Variants in ZBTB44 observed in about 807,000 individuals in gnomAD.
ZBTB44 encodes zinc finger and BTB domain containing 44.
Under a neutral mutation model 54.0 loss-of-function variants are expected in ZBTB44, and 15 were observed. The ratio of observed to expected loss-of-function variants is 0.28; its 90% CI spans 0.19 to 0.43. The LOEUF (loss-of-function observed/expected upper bound fraction) is 0.43. Among genes scored for constraint, ZBTB44 ranks in the 20% least tolerant of loss-of-function variants. ZBTB44 has a pLI of 1.00. For synonymous variants in ZBTB44, 230 were observed against 250.1 expected, an observed-to-expected ratio of 0.92 and a Z score of 0.76; for missense variants, 487 against 707.1, an observed-to-expected ratio of 0.69 and a Z score of 3.53.
chr11:130,268,613 C>G (rs573487103), intron 1 of ZBTB44, among the ~76,000 whole-genome samples: 4 of 152,182 alleles, frequency 2.6e-5, no homozygotes, highest in African/African-American at 9.6e-5. Context: ...GAGTCTCACT[C>G]TGTCACCCAG....
chr11:130,275,511 TTC>T (rs1170904430), intron 1 of ZBTB44, among the ~76,000 whole-genome samples: 1 of 152,098 alleles, frequency 6.6e-6, no homozygotes, highest in Non-Finnish European at 1.5e-5. Flanking sequence ...TCATTTGGAT[TTC>T]TTTTTTGATC....
intron 5 of ZBTB44, chr11:130,236,036 CAA>C: frequency 9.6e-7 from 1 of 1,039,010 alleles, no homozygotes; most frequent in Non-Finnish European, 1.2e-6. Context: ...TACAGAAGTA[CAA>C]TTCTTATAAA....
At chr11:130,280,074 C>A (rs950690585) in intron 1 of ZBTB44, among the ~76,000 whole-genome samples, 2 of 152,122 alleles carry the variant, frequency 1.3e-5, no homozygotes, top group East Asian at 1.9e-4. Context: ...CACAAGCCAG[C>A]GCAACGGCAA....
chr11:130,264,568 C>T (rs898195244), intron 1 of ZBTB44, among the ~76,000 whole-genome samples: 1 of 152,146 alleles, frequency 6.6e-6, no homozygotes, highest in Non-Finnish European at 1.5e-5. Flanking sequence ...CTCATGAGTA[C>T]CTCCCGTAAG....
intron 1 of ZBTB44, among the ~76,000 whole-genome samples, chr11:130,292,862 TA>T (rs1166151335): frequency 6.6e-6 from 1 of 152,178 alleles, no homozygotes; most frequent in Non-Finnish European, 1.5e-5. Flanking sequence ...CAAAAGTTAT[TA>T]AAATAAGACG....
At chr11:130,306,940 C>T (rs1257092331) in intron 1 of ZBTB44, among the ~76,000 whole-genome samples, 1 of 151,404 alleles carries the variant, frequency 6.6e-6, no homozygotes, top group Admixed American at 6.6e-5. Context: ...TTGGGTACAG[C>T]GTACACTGCT....
At chr11:130,245,793 A>C (rs1331125946) in intron 2 of ZBTB44, among the ~76,000 whole-genome samples, 2 of 152,120 alleles carry the variant, frequency 1.3e-5, no homozygotes, top group East Asian at 3.9e-4. Flanking sequence ...CGAGGAGGGA[A>C]TGGACTCTTG....
At chr11:130,289,408 G>A (rs942375543) in intron 1 of ZBTB44, among the ~76,000 whole-genome samples, 9 of 151,332 alleles carry the variant, frequency 5.9e-5, no homozygotes, top group Middle Eastern at 3.5e-3. Flanking sequence ...GCTTGAACTC[G>A]GAGGTGGAGG....
chr11:130,235,774 G>A (rs1954081389), intron 5 of ZBTB44, among the ~76,000 whole-genome samples: 2 of 152,150 alleles, frequency 1.3e-5, no homozygotes, highest in East Asian at 3.8e-4. Context: ...GGCTGAAGCA[G>A]GCGGATCACT....
intron 2 of ZBTB44, among the ~76,000 whole-genome samples, chr11:130,240,116 A>C (rs1431320600): frequency 1.4e-5 from 2 of 144,536 alleles, no homozygotes; most frequent in East Asian, 4.0e-4. Context: ...ATCTCGGCTC[A>C]CTGCAAGCTC....
intron 1 of ZBTB44, among the ~76,000 whole-genome samples, chr11:130,297,299 T>A (rs1941709099): frequency 6.6e-6 from 1 of 152,224 alleles, no homozygotes; most frequent in South Asian, 2.1e-4. Flanking sequence ...TTCTTGTGAT[T>A]ATATAATATT....
intron 1 of ZBTB44, among the ~76,000 whole-genome samples, chr11:130,282,881 C>T (rs1450404451): frequency 6.6e-6 from 1 of 152,090 alleles, no homozygotes; most frequent in East Asian, 1.9e-4. Context: ...TCTCGCTATG[C>T]TACCCACATT....
At chr11:130,263,010 G>A (rs1366985757) in intron 1 of ZBTB44, among the ~76,000 whole-genome samples, 2 of 152,174 alleles carry the variant, frequency 1.3e-5, no homozygotes, top group Non-Finnish European at 2.9e-5. Flanking sequence ...GCAGTGAGCC[G>A]AGACTGCACC....
chr11:130,257,909 A>C (rs1005313522), intron 2 of ZBTB44, among the ~76,000 whole-genome samples: 7 of 152,160 alleles, frequency 4.6e-5, no homozygotes, highest in African/African-American at 1.7e-4. Flanking sequence ...TACTAGTAGA[A>C]AAGTCCCAAG....
chr11:130,292,275 T>C (rs1191016355), intron 1 of ZBTB44, among the ~76,000 whole-genome samples: 1 of 152,260 alleles, frequency 6.6e-6, no homozygotes, highest in Non-Finnish European at 1.5e-5. Flanking sequence ...TAATTATTTC[T>C]GTTTCTATAC....
At chr11:130,307,927 T>C (rs144421986) in intron 1 of ZBTB44, among the ~76,000 whole-genome samples, 5,428 of 152,264 alleles carry the variant, frequency 0.036, 222 homozygotes, top group African/African-American at 0.097. Flanking sequence ...GGTTTCACTA[T>C]ATTGGTCAGG....
At chr11:130,233,174 A>G in intron 7 of ZBTB44, 134 bp downstream of exon 7, 2 of 1,195,492 alleles carry the variant, frequency 1.7e-6, no homozygotes, top group South Asian at 1.5e-5. Flanking sequence ...GCAAGAGAAC[A>G]TATTGATGGG....
At position 130,284,448 on chromosome 11, in the gene ZBTB44, A is replaced by G. The variant is rs547427504; in HGVS notation, c.-56-22519T>C. Among the ~76,000 whole-genome samples, 8 of 152,370 alleles carry G rather than the reference A, an allele frequency of 5.3e-5. No homozygotes were observed. The South Asian group carries it at 1.7e-3, about 32-fold the overall frequency. ...GCATATACTTGTGCTAAAGCCCAGAAAAGTAAACCAAGTCAGTTACTTAAT... is the reference window on the plus strand; with the variant it reads ...GCATATACTTGTGCTAAAGCCCAGAGAAGTAAACCAAGTCAGTTACTTAAT... On this transcript the variant is annotated intron_variant, in intron 1 of 7. Coordinates refer to ENST00000357899, the MANE Select transcript of ZBTB44 (RefSeq NM_001301098.2).
chr11:130,309,335 C>G (rs1942453926), intron 1 of ZBTB44, among the ~76,000 whole-genome samples: 1 of 152,246 alleles, frequency 6.6e-6, no homozygotes, highest in Non-Finnish European at 1.5e-5. Flanking sequence ...AGGATGAACA[C>G]AGGAAAACAC....
Sources: gnomAD v4.1 joint callset for allele counts (sites outside exome capture counted in the v4.1 genomes callset) on GRCh38, gnomAD v4.1.1 for gene constraint, MANE v1.5 for transcripts, NCBI Gene and HGNC (gene_info 2026-07-23, HGNC 2026-07-21) for gene names.